ADCY10: variants seen among roughly 807,000 people sequenced by gnomAD.
The protein encoded by ADCY10 is adenylate cyclase 10, also known as adenylate cyclase type 10.
Under a neutral mutation model 183.3 loss-of-function variants are expected in ADCY10, and 156 were observed. The observed-to-expected ratio is 0.85, with a 90% CI of 0.75 to 0.97. The LOEUF (loss-of-function observed/expected upper bound fraction) is 0.97, where lower values mean the gene tolerates loss of function less well. Ranked by LOEUF, ADCY10 falls within the 50% of genes least tolerant of loss-of-function variation. The pLI is 0.00. For missense variants in ADCY10, 1,745 were observed against 1,934.3 expected, an observed-to-expected ratio of 0.90 and a Z score of 1.84; for synonymous variants, 645 against 670.0, an observed-to-expected ratio of 0.96 and a Z score of 0.58.
intron 12 of ADCY10, among the ~76,000 whole-genome samples, chr1:167,876,052 T>C (rs1203045377): frequency 6.6e-6 from 1 of 151,672 alleles, no homozygotes; most frequent in Admixed American, 6.6e-5. Context: ...AGGTCAGGAG[T>C]TTGAGACCAG....
intron 31 of ADCY10, 122 bp downstream of exon 31, chr1:167,817,950 C>A (rs1021677310): frequency 1.0e-6 from 1 of 1,001,866 alleles, no homozygotes; most frequent in African/African-American, 1.6e-5. Context: ...TGGGGAAGTG[C>A]CTTCAAAAAC....
intron 8 of ADCY10, among the ~76,000 whole-genome samples, chr1:167,885,122 A>AT (rs1039041300): frequency 5.6e-4 from 76 of 135,698 alleles, no homozygotes; most frequent in Non-Finnish European, 1.1e-3. Context: ...GACAGATCTC[A>AT]TTTTTTTTAT....
chr1:167,818,993 ATTCTCATTAATGCAGG>A (rs1662702579), intron 30 of ADCY10, among the ~76,000 whole-genome samples: 1 of 152,150 alleles, frequency 6.6e-6, no homozygotes, highest in South Asian at 2.1e-4. Flanking sequence ...TATCACCTGG[ATTCTCATTAATGCAGG>A]TTCTCTGGTT....
intron 7 of ADCY10, 56 bp from the exon 8 acceptor site, chr1:167,893,997 C>T: frequency 8.0e-7 from 1 of 1,249,182 alleles, no homozygotes; most frequent in East Asian, 2.3e-5. Context: ...CTCTGCAGTG[C>T]TAGTGAGAGG....
intron 13 of ADCY10, among the ~76,000 whole-genome samples, chr1:167,872,750 G>A (rs142673279): frequency 2.3e-4 from 34 of 149,246 alleles, no homozygotes; most frequent in African/African-American, 7.9e-4. Flanking sequence ...TGGAATCAGT[G>A]CAAAAGGGCA....
chr1:167,827,280 G>C (rs1200057554), intron 26 of ADCY10, among the ~76,000 whole-genome samples: 1 of 150,436 alleles, frequency 6.6e-6, no homozygotes, highest in African/African-American at 2.4e-5. Context: ...CCATTCTCCT[G>C]CCTCAGCCTC....
chr1:167,836,831 C>T (rs1007262744), intron 22 of ADCY10, among the ~76,000 whole-genome samples: 2 of 152,194 alleles, frequency 1.3e-5, no homozygotes, highest in African/African-American at 2.4e-5. Context: ...CAAGACCATC[C>T]TGGCTAACAC....
chr1:167,827,757 A>G (rs1157913963), intron 26 of ADCY10, among the ~76,000 whole-genome samples: 1 of 151,660 alleles, frequency 6.6e-6, no homozygotes, highest in Non-Finnish European at 1.5e-5. Flanking sequence ...CTTGTCATCC[A>G]GGCTGGAGTG....
chr1:167,898,678 A>C (rs954469327), intron 6 of ADCY10, among the ~76,000 whole-genome samples: 1 of 151,938 alleles, frequency 6.6e-6, no homozygotes, highest in Non-Finnish European at 1.5e-5. Context: ...CAGGCTGGAT[A>C]TGTCTTGCTG....
intron 18 of ADCY10, among the ~76,000 whole-genome samples, chr1:167,852,778 TAA>T (rs202205672): frequency 6.9e-6 from 1 of 144,736 alleles, no homozygotes; most frequent in African/African-American, 2.5e-5. Context: ...TCTTGTTCCT[TAA>T]AAAAAAAAAA....
intron 29 of ADCY10, among the ~76,000 whole-genome samples, chr1:167,822,503 A>T (rs550607513): frequency 3.2e-4 from 49 of 152,244 alleles, no homozygotes; most frequent in African/African-American, 1.1e-3. Context: ...TGTGGGGAAA[A>T]CAATTCAGGT....
At chr1:167,898,615 G>C (rs922153444) in intron 6 of ADCY10, among the ~76,000 whole-genome samples, 1 of 150,350 alleles carries the variant, frequency 6.7e-6, no homozygotes, top group Non-Finnish European at 1.5e-5. Context: ...TTTAAAAAAA[G>C]AATGATTGAA....
chr1:167,873,176 T>C (rs2102178330), intron 13 of ADCY10, among the ~76,000 whole-genome samples: 1 of 152,148 alleles, frequency 6.6e-6, no homozygotes, highest in East Asian at 1.9e-4. Flanking sequence ...TGTCAGTTAG[T>C]AAAATAAGTA....
intron 7 of ADCY10, among the ~76,000 whole-genome samples, chr1:167,894,749 T>A (rs553678874): frequency 6.6e-6 from 1 of 152,206 alleles, no homozygotes; most frequent in Admixed American, 6.5e-5. Flanking sequence ...CCTGAGGGCA[T>A]TAAGGAGATC....
chr1:167,909,257 T>C (rs1403454458), intron 1 of ADCY10, among the ~76,000 whole-genome samples: 1 of 152,188 alleles, frequency 6.6e-6, no homozygotes, highest in African/African-American at 2.4e-5. Context: ...TGATGGAATA[T>C]ACCACAAAAC....
chr1:167,838,172 T>C (rs1384787875), intron 21 of ADCY10, among the ~76,000 whole-genome samples: 4 of 152,264 alleles, frequency 2.6e-5, no homozygotes, highest in Non-Finnish European at 4.4e-5. Context: ...GAAAGCCCTC[T>C]GTGCTCTTGC....
rs765122293 is a variant in ADCY10 at position 167,878,455 on chromosome 1, G to A, written c.1397C>T (p.Thr466Ile). The change falls in exon 12 of 33, where the codon ACT (threonine) becomes ATT (isoleucine). Residue 466 changes from threonine to isoleucine, a missense_variant. By Grantham distance (89) the Thr-to-Ile change is moderately conservative. Coordinates refer to ENST00000367851, the MANE Select transcript of ADCY10 (RefSeq NM_018417.6). ...AATGCTCCACACTCACACTTTCTCAGTACGGCCCCAATACTGATACAATGG... is the reference window on the plus strand; with the variant it reads ...AATGCTCCACACTCACACTTTCTCAATACGGCCCCAATACTGATACAATGG... ...SGPLYQYWGR[T>I]EKVMFGMACL... 6.8e-6 allele frequency: 11 copies of A among 1,613,874 alleles called. No homozygotes were observed. The highest frequency in any genetic ancestry group is 7.6e-6 in the Non-Finnish European group (9 of 1,179,988).
rs35744623 is a variant in ADCY10, at chr1:167,850,662, CGTGTGTGT to C, written c.2309-2181_2309-2174del. Among the ~76,000 whole-genome samples, 95 of 87,920 alleles carry C rather than the reference CGTGTGTGT, an allele frequency of 1.1e-3. 1 individual carries two copies. In the Middle Eastern group the frequency reaches 0.019, roughly 17 times the overall value. The allele number at this position is 87,920 out of a possible 152,430, so 57.7% of individuals were successfully genotyped here. A position where few individuals can be genotyped will look rare whatever the true frequency, so the allele number is the denominator to read the frequency against. Reference sequence around the variant, plus strand: ...GAGGATAGCATACCAAAAAGGGGGCCGTGTGTGTGTGTGTGTGTGTGTGTGTGTGTGTG... The same window carrying C: ...GAGGATAGCATACCAAAAAGGGGGCCGTGTGTGTGTGTGTGTGTGTGTGTG... On this transcript the variant is annotated intron_variant, in intron 18 of 32. Coordinates refer to ENST00000367851, the MANE Select transcript of ADCY10 (RefSeq NM_018417.6).
chr1:167,814,118 G>A (rs1662375274), intron 31 of ADCY10, among the ~76,000 whole-genome samples: 1 of 152,054 alleles, frequency 6.6e-6, no homozygotes, highest in Non-Finnish European at 1.5e-5. Context: ...ATACACACAA[G>A]TCCCTCTTTA....
Sources: gnomAD v4.1 joint callset for allele counts (sites outside exome capture counted in the v4.1 genomes callset) on GRCh38, gnomAD v4.1.1 for gene constraint, MANE v1.5 for transcripts, NCBI Gene and HGNC (gene_info 2026-07-23, HGNC 2026-07-21) for gene names.